Variants in E4F1 observed in about 807,000 individuals in gnomAD.
E4F1 encodes the protein transcription factor E4F1.
E4F1 carries 30 observed loss-of-function variants against 72.9 expected under a neutral mutation model. The ratio of observed to expected loss-of-function variants is 0.41; its 90% CI spans 0.31 to 0.56. E4F1 has a LOEUF of 0.56. Ranked by LOEUF, E4F1 falls within the 20% of genes least tolerant of loss-of-function variation. The pLI, the probability that E4F1 is intolerant of heterozygous loss-of-function variation, is 0.25. For missense variants in E4F1, 1,091 were observed against 1,117.5 expected (o/e 0.98, Z 0.34); for synonymous variants, 542 against 478.2 (o/e 1.13, Z -1.74).
At chr16:2,227,464 C>T (rs942236469) in intron 1 of E4F1, among the ~76,000 whole-genome samples, 12 of 151,720 alleles carry the variant, frequency 7.9e-5, no homozygotes, top group Admixed American at 6.6e-5. Context: ...CTCTGCCTGC[C>T]GGGTTCATGC....
chr16:2,230,738 C>A (rs2093462634), intron 3 of E4F1: 1 of 151,736 alleles, frequency 6.6e-6, no homozygotes, highest in South Asian at 2.1e-4. Flanking sequence ...CTCCGTGCTG[C>A]CTTTCCCTGG....
intron 10 of E4F1, 43 bp from the exon 11 acceptor site, chr16:2,234,540 G>T (rs746895780): frequency 2.6e-6 from 4 of 1,556,452 alleles, no homozygotes; most frequent in Non-Finnish European, 3.5e-6. Context: ...GCTGTAGTCT[G>T]TTGTGGCCAA....
rs751216480 is a variant in E4F1 at position 2,234,846 on chromosome 16, T to A, written c.1793-13T>A. 3.0e-5 allele frequency: 47 copies of A among 1,548,254 alleles called. No homozygotes were observed. In the South Asian group the frequency reaches 5.6e-4, roughly 18 times the overall value. On this transcript the variant is annotated splice_polypyrimidine_tract_variant and intron_variant, in intron 11 of 13. Transcript: ENST00000301727. Reference sequence around the variant, plus strand: ...CGGGGCTTGCCTAGCCCTGACCGAGTCCCCACCCACAGGGGGCTGCCTGCT... The same window carrying A: ...CGGGGCTTGCCTAGCCCTGACCGAGACCCCACCCACAGGGGGCTGCCTGCT...
At position 2,226,889 on chromosome 16, in the gene E4F1, C is replaced by A. The variant is rs142312413; in HGVS notation, c.158-1483C>A. ...ACCAGTAAAGTCCCAAGTCAGTGAG[C>A]AGAGTGGTTGTGGGTCAGCTCCCTG... On this transcript the variant is annotated intron_variant, in intron 1 of 13. Transcript: ENST00000301727. Among the ~76,000 whole-genome samples, 458 of 152,304 alleles carry A rather than the reference C, an allele frequency of 3.0e-3. 1 individual carries two copies. Among genetic ancestry groups the A allele is most frequent in the African/African-American group, 0.01 (427 of 41,554 alleles).
rs377249962 is a variant in E4F1, at chr16:2,234,415, C to G, written c.1593+27C>G. On this transcript the variant is annotated intron_variant, in intron 10 of 13. Coordinates refer to ENST00000301727, the MANE Select transcript of E4F1 (RefSeq NM_004424.5). The stretch of plus-strand genomic sequence containing the variant: ...TGGGTCTCTGGCCGCAGGACCCTGG[C>G]GCCTGATCCCCCCATCCTGCTCCCT... 9.1e-4 allele frequency: 1,469 copies of G among 1,609,638 alleles called. 4 individuals carry two copies. Among genetic ancestry groups the G allele is most frequent in the Middle Eastern group, 3.5e-3 (21 of 6,034 alleles).
At chr16:2,226,287 T>C (rs1202663913) in intron 1 of E4F1, among the ~76,000 whole-genome samples, 3 of 152,196 alleles carry the variant, frequency 2.0e-5, no homozygotes, top group Non-Finnish European at 4.4e-5. Context: ...CTGGGCCTGC[T>C]TGTGGCCTTG....
In E4F1 at chr16:2,235,456, G is replaced by C; in HGVS notation, c.2239G>C (p.Glu747Gln). ...LAARAGTSGT[E>Q]QATVTMVSSE... ...CGCCCGGGCAGGGACAAGTGGCACT[G>C]AACAGGCCACTGTGACCATGGTGTC... The change falls in exon 14 of 14, where the codon GAA (glutamate) becomes CAA (glutamine). Residue 747 changes from glutamate to glutamine, a missense_variant. Around this residue, in one of 5 missense-constraint regions of E4F1, gnomAD observed 622 missense variants for 628.0 expected, o/e 0.99. Coordinates refer to ENST00000301727, the MANE Select transcript of E4F1 (RefSeq NM_004424.5). The C allele has an allele frequency of 6.2e-7, 1 of 1,612,562 alleles. No homozygotes were observed. Among genetic ancestry groups the C allele is most frequent in the Non-Finnish European group, 8.5e-7 (1 of 1,179,846 alleles).
At position 2,234,275 on chromosome 16, in the gene E4F1, G is replaced by A; in HGVS notation, c.1480G>A (p.Gly494Ser). ...CGTGCGTGAGCGCCGCTTCCGCTGTGGCGACTGCGGGAAGCTCTACAAGAC... is the reference window on the plus strand; with the variant it reads ...CGTGCGTGAGCGCCGCTTCCGCTGTAGCGACTGCGGGAAGCTCTACAAGAC... ...VHVRERRFRC[G>S]DCGKLYKTIA... is the part of the protein sequence containing the mutation. The change falls in exon 10 of 14, where the codon GGC becomes AGC. Residue 494 changes from glycine (G) to serine (S), a missense_variant. By Grantham distance (56) the Gly-to-Ser change is moderately conservative. Around this residue, in one of 5 missense-constraint regions of E4F1, gnomAD observed 622 missense variants for 628.0 expected, o/e 0.99. Coordinates refer to ENST00000301727, the MANE Select transcript of E4F1 (RefSeq NM_004424.5). 6.2e-7 allele frequency: 1 copy of A among 1,612,970 alleles called. No individual in the cohort carries two copies. The highest frequency in any genetic ancestry group is 2.2e-5 in the East Asian group (1 of 44,888).
chr16:2,227,590 T>C (rs1369320526), intron 1 of E4F1, among the ~76,000 whole-genome samples: 9 of 152,100 alleles, frequency 5.9e-5, no homozygotes, highest in Non-Finnish European at 1.2e-4. Context: ...GCCAGGATGG[T>C]CTCAATCTCC....
intron 3 of E4F1, chr16:2,231,764 C>A (rs866752856): frequency 2.8e-5 from 5 of 181,216 alleles, no homozygotes; most frequent in South Asian, 1.1e-4. Flanking sequence ...GCCCCGGACG[C>A]ACATCCTCCC....
Position 2,228,988 on chromosome 16 carries a change from C to T in E4F1, c.309+465C>T, listed in dbSNP as rs560483622. Among the ~76,000 whole-genome samples, 66 of 152,342 alleles carry T rather than the reference C, an allele frequency of 4.3e-4. 1 individual carries two copies. Among genetic ancestry groups the T allele is most frequent in the Admixed American group, 2.1e-3 (32 of 15,310 alleles). ...GCTGGATACACAGGCCTGTGAACCC[C>T]GCACACGCCGCAGCGGGCGCTTGTC... is the stretch of plus-strand genomic sequence containing the variant. On this transcript the variant is annotated intron_variant, in intron 2 of 13. Transcript: ENST00000301727.
At position 2,234,611 on chromosome 16, in the gene E4F1, A is replaced by G. The variant is rs1342199487; in HGVS notation, c.1622A>G (p.His541Arg). 8 of 1,599,872 alleles carry G rather than the reference A, an allele frequency of 5.0e-6. No homozygotes were observed. Among genetic ancestry groups the G allele is most frequent in the Non-Finnish European group, 6.8e-6 (8 of 1,173,904 alleles). The change falls in exon 11 of 14, where the codon CAC becomes CGC. Residue 541 changes from histidine (H) to arginine (R), a missense_variant. Physicochemically the swap from His to Arg is conservative, Grantham distance 29 (BLOSUM62 0). Coordinates refer to ENST00000301727, the MANE Select transcript of E4F1 (RefSeq NM_004424.5). ...KNAQQVHFRTHLEEKPHVCQF... is the reference protein window; with the variant it reads ...KNAQQVHFRTRLEEKPHVCQF... ...GCACAGCAGGTGCACTTCAGGACAC[A>G]CCTGGAGGAGAAGCCGCACGTGTGC...
chr16:2,229,216 C>A (rs555119381), intron 2 of E4F1, among the ~76,000 whole-genome samples: 1 of 152,206 alleles, frequency 6.6e-6, no homozygotes, highest in Admixed American at 6.5e-5. Flanking sequence ...ACCGCTCTGC[C>A]GGATGTGGCG....
Position 2,232,912 on chromosome 16 carries a change from A to G in E4F1, c.883+4A>G. On this transcript the variant is annotated splice_donor_region_variant and intron_variant, in intron 6 of 13. Coordinates refer to ENST00000301727, the MANE Select transcript of E4F1 (RefSeq NM_004424.5). The stretch of plus-strand genomic sequence containing the variant: ...AGCAAAGAGGACGCACGTGCAGGTC[A>G]GCATGGTGCGGGCAGCTGCCTGGTC... 3 of 1,613,250 alleles carry G rather than the reference A, an allele frequency of 1.9e-6. No individual in the cohort carries two copies. Among genetic ancestry groups the G allele is most frequent in the Non-Finnish European group, 1.7e-6 (2 of 1,179,996 alleles).
Position 2,234,565 on chromosome 16 carries a change from T to C in E4F1, c.1594-18T>C, listed in dbSNP as rs1338308561. The C allele has an allele frequency of 6.4e-7, 1 of 1,567,592 alleles. No homozygotes were observed. The highest frequency in any genetic ancestry group is 2.4e-5 in the East Asian group (1 of 42,528). ...GTTGTGGCCAAGGCCAGGCTGGCAC[T>C]GACAGGTGTCTCCACAGAACGCACA... On this transcript the variant is annotated intron_variant, in intron 10 of 13. Transcript: ENST00000301727.
Position 2,228,542 on chromosome 16 carries a change from C to G in E4F1, c.309+19C>G, listed in dbSNP as rs376064191. 298 of 1,607,444 alleles carry G rather than the reference C, an allele frequency of 1.9e-4. 1 individual carries two copies. The African/African-American group carries it at 3.5e-3, about 19-fold the overall frequency. Reference sequence around the variant, plus strand: ...CCAGGAGGTGAGCCCTCACCCACTCCCCCATCCCCTCCCGGGTTCACCTGA... The same window carrying G: ...CCAGGAGGTGAGCCCTCACCCACTCGCCCATCCCCTCCCGGGTTCACCTGA... On this transcript the variant is annotated intron_variant, in intron 2 of 13. Transcript: ENST00000301727.
chr16:2,223,774 A>G lies in E4F1; in HGVS notation c.157+4A>G. 1 of 1,534,862 alleles carries G rather than the reference A, an allele frequency of 6.5e-7. No homozygotes were observed. Among genetic ancestry groups the G allele is most frequent in the African/African-American group, 1.4e-5 (1 of 70,738 alleles). On this transcript the variant is annotated splice_donor_region_variant and intron_variant, in intron 1 of 13. Coordinates refer to ENST00000301727, the MANE Select transcript of E4F1 (RefSeq NM_004424.5). The stretch of plus-strand genomic sequence containing the variant: ...CCGGCGCCCTTCAGCGAGGAAGGTA[A>G]CCGGGCCGACCCGGAGGGTGCGGCC...
chr16:2,227,745 C>G (rs893786631), intron 1 of E4F1, among the ~76,000 whole-genome samples: 3 of 152,140 alleles, frequency 2.0e-5, no homozygotes, highest in Non-Finnish European at 4.4e-5. Flanking sequence ...AGGTGATACA[C>G]CTGTCTCAGC....
In E4F1 at chr16:2,235,244, A is replaced by G; in HGVS notation, c.2027A>G (p.Gln676Arg). The change falls in exon 14 of 14, where the codon CAG (glutamine) becomes CGG (arginine). Residue 676 changes from glutamine (Q) to arginine (R), a missense_variant. By Grantham distance (43) the Gln-to-Arg change is conservative. Transcript: ENST00000301727. ...GACAGCCACATCATGAAGGTGGTGC[A>G]GCAGATCGTGCACCAGGCTAGCGCC... is the stretch of plus-strand genomic sequence containing the variant. ...EVDSHIMKVV[Q>R]QIVHQASAGH... 1 of 1,610,498 alleles carries G rather than the reference A, an allele frequency of 6.2e-7. No individual in the cohort carries two copies. Among genetic ancestry groups the G allele is most frequent in the Non-Finnish European group, 8.5e-7 (1 of 1,179,372 alleles).
Sources: allele counts gnomAD v4.1 joint callset (sites outside exome capture counted in the v4.1 genomes callset), GRCh38; gene constraint gnomAD v4.1.1; regional missense constraint gnomAD v4.1.1; transcripts MANE v1.5; gene names NCBI Gene and HGNC (gene_info 2026-07-23, HGNC 2026-07-21).